The following FNBP1L variants were observed in gnomAD, a reference collection of about 807,000 sequenced individuals.
FNBP1L encodes the protein formin-binding protein 1-like.
In FNBP1L, 36 loss-of-function variants were observed where a neutral mutation model predicts 91.2. That is an observed-to-expected ratio of 0.39 (90% confidence interval 0.30 to 0.52). FNBP1L has a LOEUF of 0.52. Ranked by LOEUF, FNBP1L falls within the 20% of genes least tolerant of loss-of-function variation. The probability of loss-of-function intolerance (pLI) is 0.66; values close to 1 mark genes in which losing one functional copy is unlikely to be tolerated. For missense variants in FNBP1L, 571 were observed against 732.1 expected (o/e 0.78, Z 2.54); for synonymous variants, 242 against 237.0 (o/e 1.02, Z -0.19).
At chr1:93,507,103 ACACACTCTCTCTCT>A (rs1557798041) in intron 2 of FNBP1L, among the ~76,000 whole-genome samples, 55 of 52,556 alleles carry the variant, frequency 1.0e-3, no homozygotes, top group Admixed American at 4.9e-3. Flanking sequence ...ACACACACAC[ACACACTCTCTCTCT>A]CTCTCTCTCT....
At chr1:93,511,229 T>G (rs1338144634) in intron 2 of FNBP1L, among the ~76,000 whole-genome samples, 7 of 151,886 alleles carry the variant, frequency 4.6e-5, no homozygotes, top group African/African-American at 1.2e-4. Context: ...CCCTCAAAGG[T>G]AAGCCCATCA....
At chr1:93,462,838 T>C (rs540489565) in intron 1 of FNBP1L, among the ~76,000 whole-genome samples, 1 of 152,230 alleles carries the variant, frequency 6.6e-6, no homozygotes, top group African/African-American at 2.4e-5. Context: ...CCTTTTTCTA[T>C]ACTGTACTCT....
At chr1:93,552,300 C>T (rs1672439095) in intron 16 of FNBP1L, 109 bp from the exon 17 acceptor site, 3 of 1,490,134 alleles carry the variant, frequency 2.0e-6, no homozygotes, top group South Asian at 2.9e-5. Flanking sequence ...CGGTAGCTGA[C>T]TATAAAATGA....
chr1:93,515,569 G>C (rs1159619298), intron 2 of FNBP1L, among the ~76,000 whole-genome samples: 4 of 152,024 alleles, frequency 2.6e-5, no homozygotes, highest in African/African-American at 7.2e-5. Flanking sequence ...TATACACCAT[G>C]GAATACTATG....
chr1:93,515,714 A>G (rs1338569386), intron 2 of FNBP1L, among the ~76,000 whole-genome samples: 9 of 139,882 alleles, frequency 6.4e-5, no homozygotes, highest in Admixed American at 1.6e-4. Context: ...GAATTGAACA[A>G]TGAGAACACA....
intron 1 of FNBP1L, among the ~76,000 whole-genome samples, chr1:93,465,893 G>C (rs912665016): frequency 6.6e-6 from 1 of 152,084 alleles, no homozygotes; most frequent in Admixed American, 6.6e-5. Context: ...AATGATTGCC[G>C]TTCCAAATGG....
rs199986455 is a variant in FNBP1L, at chr1:93,517,149, TTCTCATAC to T, written c.141-4932_141-4925del. On this transcript the variant is annotated intron_variant, in intron 2 of 16. Coordinates refer to ENST00000271234, the MANE Select transcript of FNBP1L (RefSeq NM_001164473.3). ...ACCTCCGCTTTCCGGATTCAAGCAG[TTCTCATAC>T]CTCACCCTCCCGAGTAGCTGAGACT... Among the ~76,000 whole-genome samples the T allele has an allele frequency of 1.3e-4, 20 of 151,618 alleles. 1 individual carries two copies. The East Asian group carries it at 3.7e-3, about 28-fold the overall frequency.
At chr1:93,482,994 G>A (rs1349514071) in intron 1 of FNBP1L, among the ~76,000 whole-genome samples, 3 of 149,448 alleles carry the variant, frequency 2.0e-5, no homozygotes, top group African/African-American at 4.9e-5. Context: ...GTCCAGCCTG[G>A]ACGACAGAGC....
At position 93,552,475 on chromosome 1, in the gene FNBP1L, G is replaced by C. The variant is rs1232106703; in HGVS notation, c.*59G>C. On this transcript the variant is annotated 3_prime_UTR_variant, in exon 17 of 17. Coordinates refer to ENST00000271234, the MANE Select transcript of FNBP1L (RefSeq NM_001164473.3). ...AGGAGGTTACATGCAGCTGCTTTTG[G>C]GGGAGGGTATTAGAGTTGTCAGGCT... The C allele has an allele frequency of 7.5e-6, 12 of 1,602,332 alleles. No homozygotes were observed. Among genetic ancestry groups the C allele is most frequent in the Non-Finnish European group, 1.0e-5 (12 of 1,171,850 alleles).
chr1:93,547,315 A>G (rs1672274529), intron 13 of FNBP1L, 32 bp from the exon 14 acceptor site: 1 of 1,464,260 alleles, frequency 6.8e-7, no homozygotes, highest in African/African-American at 1.4e-5. Flanking sequence ...ATATTTATTG[A>G]GCTCAGTTGT....
chr1:93,512,639 C>A (rs1011907453), intron 2 of FNBP1L, among the ~76,000 whole-genome samples: 2 of 149,278 alleles, frequency 1.3e-5, no homozygotes, highest in Non-Finnish European at 3.0e-5. Flanking sequence ...CGCTCAACTA[C>A]ATGGAAACTG....
At position 93,554,400 on chromosome 1, in the gene FNBP1L, CG is replaced by C. The variant is rs1672510341; in HGVS notation, c.*1985del. 1 of 152,534 alleles carries C rather than the reference CG, an allele frequency of 6.6e-6. No homozygotes were observed. The highest frequency in any genetic ancestry group is 2.1e-4 in the South Asian group (1 of 4,818). 9.4% of individuals were successfully genotyped at this position (152,534 alleles called of 1,614,324 possible). On this transcript the variant is annotated 3_prime_UTR_variant, in exon 17 of 17. Coordinates refer to ENST00000271234, the MANE Select transcript of FNBP1L (RefSeq NM_001164473.3). ...TTTTTCTAAAAGCAGGATTTGCTTC[CG>C]TAGGAGGCAAGTTCCTTGATGTGGA...
intron 2 of FNBP1L, among the ~76,000 whole-genome samples, chr1:93,512,488 C>G (rs1670893259): frequency 6.6e-6 from 1 of 151,952 alleles, no homozygotes; most frequent in Admixed American, 6.6e-5. Context: ...AGCACCACAC[C>G]ACACCTATTC....
chr1:93,541,055 T>C lies in FNBP1L; in HGVS notation c.1163T>C (p.Met388Thr), dbSNP rs1391034005. ...RSLKRGWSVK[M>T]GPALEDFSHL... Reference sequence around the variant, plus strand: ...TGAACTATTCAGTGGTCGGTGAAGATGGTAAGCCTTATGTGCTGATCTATA... The same window carrying C: ...TGAACTATTCAGTGGTCGGTGAAGACGGTAAGCCTTATGTGCTGATCTATA... Residue 388 changes from methionine (M) to threonine (T), a missense_variant and splice_region_variant, in exon 11 of 17, where the codon ATG (methionine) becomes ACG (threonine). Around this residue, in one of 5 missense-constraint regions of FNBP1L, gnomAD observed 150 missense variants for 155.9 expected, o/e 0.96. Coordinates refer to ENST00000271234, the MANE Select transcript of FNBP1L (RefSeq NM_001164473.3). 1 of 1,536,472 alleles carries C rather than the reference T, an allele frequency of 6.5e-7. No individual in the cohort carries two copies. The highest frequency in any genetic ancestry group is 2.5e-5 in the East Asian group (1 of 40,798).
chr1:93,457,234 T>TAG (rs1668701955), intron 1 of FNBP1L, among the ~76,000 whole-genome samples: 1 of 152,198 alleles, frequency 6.6e-6, no homozygotes, highest in Admixed American at 6.5e-5. Context: ...TTGTAGGTTT[T>TAG]AAAATTTCAT....
At chr1:93,457,117 C>G (rs1198385909) in intron 1 of FNBP1L, among the ~76,000 whole-genome samples, 1 of 152,118 alleles carries the variant, frequency 6.6e-6, no homozygotes, top group Non-Finnish European at 1.5e-5. Context: ...CTTCTGGGCT[C>G]AAGTGATCCA....
chr1:93,544,546 C>T (rs1227979000), intron 12 of FNBP1L, among the ~76,000 whole-genome samples: 1 of 152,146 alleles, frequency 6.6e-6, no homozygotes, highest in East Asian at 1.9e-4. Context: ...AAATTGATTT[C>T]ATTAGCAACC....
intron 10 of FNBP1L, among the ~76,000 whole-genome samples, chr1:93,537,005 T>C (rs944841131): frequency 6.6e-6 from 1 of 152,040 alleles, no homozygotes; most frequent in Non-Finnish European, 1.5e-5. Flanking sequence ...TAGATCAAAT[T>C]GAGATAATAT....
chr1:93,499,971 G>A (rs1359416170), intron 2 of FNBP1L, among the ~76,000 whole-genome samples: 2 of 152,094 alleles, frequency 1.3e-5, no homozygotes, highest in Non-Finnish European at 2.9e-5. Context: ...TGTAAGACTT[G>A]GAAATAGAGT....
Sources: gnomAD v4.1 joint callset for allele counts (sites outside exome capture counted in the v4.1 genomes callset) on GRCh38, gnomAD v4.1.1 for gene constraint, gnomAD v4.1.1 regional missense constraint, MANE v1.5 for transcripts, NCBI Gene and HGNC (gene_info 2026-07-23, HGNC 2026-07-21) for gene names.